The following IFT43 variants were observed in gnomAD, a reference collection of about 807,000 sequenced individuals.
IFT43 encodes intraflagellar transport 43.
In IFT43, 33 loss-of-function variants were observed where a neutral mutation model predicts 32.3. The observed-to-expected ratio is 1.02, with a 90% confidence interval of 0.77 to 1.37. The LOEUF is 1.37. Among genes scored for constraint, IFT43 ranks in the 40% most tolerant of loss-of-function variants. IFT43 has a pLI of 0.00. For synonymous variants in IFT43, 93 were observed against 98.2 expected (o/e 0.95, Z 0.31); for missense variants, 274 against 265.9 (o/e 1.03, Z -0.21).
At chr14:76,013,701 A>G in intron 2 of IFT43, 1 of 343,016 alleles carries the variant, frequency 2.9e-6, no homozygotes, top group Non-Finnish European at 5.7e-6. Context: ...AAGGCTGATG[A>G]AGGAGCTTGA....
chr14:76,058,432 T>G (rs1185422465), intron 3 of IFT43: 1 of 520,446 alleles, frequency 1.9e-6, no homozygotes, highest in East Asian at 3.7e-5. Context: ...CAATTTGGAG[T>G]GAGGCTGACA....
intron 5 of IFT43, chr14:76,076,663 T>G: frequency 6.2e-7 from 1 of 1,614,052 alleles, no homozygotes; most frequent in Non-Finnish European, 8.5e-7. Flanking sequence ...ATCACAGAGA[T>G]TTGGGGCTGG....
chr14:76,062,476 C>T (rs1340059648), intron 5 of IFT43, among the ~76,000 whole-genome samples: 1 of 152,104 alleles, frequency 6.6e-6, no homozygotes, highest in Non-Finnish European at 1.5e-5. Flanking sequence ...GACTGATATA[C>T]AGACACTCTT....
At chr14:76,066,392 A>G (rs1469842461) in intron 5 of IFT43, among the ~76,000 whole-genome samples, 1 of 152,218 alleles carries the variant, frequency 6.6e-6, no homozygotes, top group Non-Finnish European at 1.5e-5. Flanking sequence ...CCATGCAGTT[A>G]TGCTTGAGTC....
intron 5 of IFT43, among the ~76,000 whole-genome samples, chr14:76,078,282 T>C (rs1376426822): frequency 6.6e-6 from 1 of 152,256 alleles, no homozygotes; most frequent in Non-Finnish European, 1.5e-5. Flanking sequence ...TTGAATTTAT[T>C]ACTACCTATA....
At chr14:76,013,956 TG>T in intron 2 of IFT43, 1 of 239,980 alleles carries the variant, frequency 4.2e-6, no homozygotes, top group Middle Eastern at 6.8e-4. Context: ...TAATTAGTGC[TG>T]AAAACTGGAA....
chr14:76,012,988 T>A (rs1224382114), intron 2 of IFT43, among the ~76,000 whole-genome samples: 1 of 152,206 alleles, frequency 6.6e-6, no homozygotes, highest in Admixed American at 6.5e-5. Context: ...AGTTTCTTCC[T>A]CTTCTCCTTG....
At chr14:76,009,783 T>C (rs1442395069) in intron 2 of IFT43, among the ~76,000 whole-genome samples, 1 of 152,012 alleles carries the variant, frequency 6.6e-6, no homozygotes, top group Non-Finnish European at 1.5e-5. Flanking sequence ...GCCAGATTAG[T>C]TGGTGTCTCA....
intron 5 of IFT43, 68 bp downstream of exon 5, chr14:76,059,441 C>CT (rs754666480): frequency 1.0e-5 from 15 of 1,457,738 alleles, no homozygotes; most frequent in Non-Finnish European, 1.3e-5. Context: ...TGGGCTACAG[C>CT]TAAGGCACTG....
intron 2 of IFT43, among the ~76,000 whole-genome samples, chr14:76,000,756 G>C (rs1416081876): frequency 1.3e-5 from 2 of 152,186 alleles, no homozygotes; most frequent in Non-Finnish European, 1.5e-5. Context: ...ATTGGCTGTT[G>C]GAAGTGGGAG....
At position 76,076,695 on chromosome 14, in the gene IFT43, G is replaced by C. The variant is rs189153179; in HGVS notation, c.296-5600G>C. 4.3e-4 allele frequency: 697 copies of C among 1,614,168 alleles called. No homozygotes were observed. Among genetic ancestry groups the C allele is most frequent in the Non-Finnish European group, 5.6e-4 (663 of 1,180,014 alleles). On this transcript the variant is annotated intron_variant, in intron 5 of 8. Transcript: ENST00000314067. ...CTGGCTTCATTGGAAGAGGCAGGTA[G>C]GCTTTTGACTGTCAGTCTACGGGAA... is the stretch of plus-strand genomic sequence containing the variant.
At chr14:76,082,989 G>A (rs1322059653) in intron 7 of IFT43, among the ~76,000 whole-genome samples, 3 of 152,086 alleles carry the variant, frequency 2.0e-5, no homozygotes, top group South Asian at 2.1e-4. Flanking sequence ...TGTCACACTC[G>A]GTCCTCCTGG....
intron 3 of IFT43, among the ~76,000 whole-genome samples, chr14:76,024,271 G>A (rs2036348194): frequency 6.6e-6 from 1 of 152,206 alleles, no homozygotes; most frequent in Non-Finnish European, 1.5e-5. Context: ...TAAGGAGAAA[G>A]TATTCCTCAG....
At chr14:75,988,230 G>A (rs2139858444) in intron 1 of IFT43, among the ~76,000 whole-genome samples, 1 of 152,116 alleles carries the variant, frequency 6.6e-6, no homozygotes, top group African/African-American at 2.4e-5. Flanking sequence ...ATAAAATAAA[G>A]TATCCAGATA....
intron 5 of IFT43, among the ~76,000 whole-genome samples, chr14:76,072,010 T>C (rs2037330635): frequency 6.6e-6 from 1 of 152,198 alleles, no homozygotes; most frequent in African/African-American, 2.4e-5. Flanking sequence ...TTCTCAGCTT[T>C]ACTTCTTGGC....
chr14:76,042,906 T>C (rs2140012393), intron 3 of IFT43, among the ~76,000 whole-genome samples: 1 of 152,290 alleles, frequency 6.6e-6, no homozygotes. Flanking sequence ...TCGGGTTAGG[T>C]TTCTGCCTTT....
At chr14:76,035,556 T>C (rs2036583390) in intron 3 of IFT43, among the ~76,000 whole-genome samples, 1 of 152,230 alleles carries the variant, frequency 6.6e-6, no homozygotes, top group South Asian at 2.1e-4. Flanking sequence ...TTTGCTTCCC[T>C]TTAGCAGCAA....
intron 5 of IFT43, among the ~76,000 whole-genome samples, chr14:76,068,195 G>A (rs1320569316): frequency 6.6e-6 from 1 of 152,248 alleles, no homozygotes; most frequent in East Asian, 1.9e-4. Flanking sequence ...GAGAAAGGAA[G>A]AGCATGTGCT....
At chr14:76,037,900 A>C (rs1213809034) in intron 3 of IFT43, among the ~76,000 whole-genome samples, 2 of 152,204 alleles carry the variant, frequency 1.3e-5, no homozygotes. Context: ...CAGAGCTCTA[A>C]TAATTGAAAA....
Sources: allele counts gnomAD v4.1 joint callset (sites outside exome capture counted in the v4.1 genomes callset), GRCh38; gene constraint gnomAD v4.1.1; transcripts MANE v1.5; gene names NCBI Gene and HGNC (gene_info 2026-07-23, HGNC 2026-07-21).